Variants in PRMT3 observed in about 807,000 individuals in gnomAD.
PRMT3 encodes protein arginine N-methyltransferase 3.
In PRMT3, 62 loss-of-function variants were observed where a neutral mutation model predicts 71.9. That is an observed-to-expected ratio of 0.86 (90% CI 0.70 to 1.07). The LOEUF (loss-of-function observed/expected upper bound fraction) is 1.07. Ranked by LOEUF, PRMT3 falls within the 50% of genes least tolerant of loss-of-function variation. PRMT3 has a pLI of 0.00. For missense variants in PRMT3, 663 were observed against 643.0 expected (o/e 1.03, Z -0.34); for synonymous variants, 213 against 220.4 (o/e 0.97, Z 0.30).
At chr11:20,426,222 G>A (rs1188684305) in intron 9 of PRMT3, among the ~76,000 whole-genome samples, 1 of 152,182 alleles carries the variant, frequency 6.6e-6, no homozygotes, top group East Asian at 1.9e-4. Flanking sequence ...GCTTTCACAA[G>A]TATTTGATCC....
chr11:20,427,268 T>C (rs986472308), intron 10 of PRMT3, among the ~76,000 whole-genome samples: 1 of 152,334 alleles, frequency 6.6e-6, no homozygotes, highest in East Asian at 1.9e-4. Flanking sequence ...GAATGTCCTA[T>C]CTTTCTAATC....
chr11:20,504,879 G>A (rs779090107), intron 15 of PRMT3, among the ~76,000 whole-genome samples: 4 of 152,062 alleles, frequency 2.6e-5, no homozygotes, highest in Non-Finnish European at 5.9e-5. Context: ...GACTACAGGT[G>A]TGCACCACAT....
chr11:20,409,715 T>C, intron 9 of PRMT3, among the ~76,000 whole-genome samples: 1 of 150,340 alleles, frequency 6.7e-6, no homozygotes, highest in African/African-American at 2.5e-5. Context: ...ATTATAGAAT[T>C]ACACATACAT....
intron 10 of PRMT3, among the ~76,000 whole-genome samples, chr11:20,451,581 T>G (rs919767223): frequency 6.6e-6 from 1 of 152,106 alleles, no homozygotes; most frequent in Non-Finnish European, 1.5e-5. Flanking sequence ...TCAACCTTAG[T>G]GCTATTGACA....
At chr11:20,442,046 G>A (rs1849920001) in intron 10 of PRMT3, among the ~76,000 whole-genome samples, 1 of 152,208 alleles carries the variant, frequency 6.6e-6, no homozygotes, top group African/African-American at 2.4e-5. Context: ...GCCTGCCTCA[G>A]CCTCCCAAAG....
In PRMT3 at chr11:20,464,583, G is replaced by A. The variant is rs1565223960; in HGVS notation, c.1347+37G>A. 6 of 1,604,200 alleles carry A rather than the reference G, an allele frequency of 3.7e-6. No individual in the cohort carries two copies. The African/African-American group carries it at 5.4e-5, about 14-fold the overall frequency. ...CATTCTGCTTTTACAAATTTCACTA[G>A]CAGTGCAGTTGATTGGCAGGCTAAT... On this transcript the variant is annotated intron_variant, in intron 13 of 15. Coordinates refer to ENST00000331079, the MANE Select transcript of PRMT3 (RefSeq NM_005788.4).
chr11:20,404,445 G>A (rs749713655), intron 8 of PRMT3, among the ~76,000 whole-genome samples: 1 of 151,574 alleles, frequency 6.6e-6, no homozygotes, highest in Non-Finnish European at 1.5e-5. Flanking sequence ...TGTTGGTCAG[G>A]ATGGCCTTGA....
chr11:20,507,979 G>A (rs1197616840), intron 15 of PRMT3, among the ~76,000 whole-genome samples: 1 of 151,670 alleles, frequency 6.6e-6, no homozygotes, highest in African/African-American at 2.4e-5. Context: ...GGTGGCATGC[G>A]CCTGTAGTCC....
intron 13 of PRMT3, among the ~76,000 whole-genome samples, chr11:20,479,054 A>ATATTT (rs2133429637): frequency 6.6e-6 from 1 of 152,336 alleles, no homozygotes; most frequent in African/African-American, 2.4e-5. Context: ...CATCTGGTGT[A>ATATTT]TATTTTAATA....
chr11:20,475,048 A>C (rs1309091608), intron 13 of PRMT3, among the ~76,000 whole-genome samples: 1 of 152,230 alleles, frequency 6.6e-6, no homozygotes, highest in East Asian at 1.9e-4. Flanking sequence ...GGTAGGCTGC[A>C]AGCTGGGACA....
At chr11:20,481,111 A>G (rs1850920757) in intron 13 of PRMT3, among the ~76,000 whole-genome samples, 1 of 152,146 alleles carries the variant, frequency 6.6e-6, no homozygotes, top group Admixed American at 6.6e-5. Flanking sequence ...CATTTTAAAC[A>G]ATGATAAAAT....
intron 9 of PRMT3, among the ~76,000 whole-genome samples, chr11:20,413,726 T>C (rs1849243301): frequency 6.6e-6 from 1 of 152,160 alleles, no homozygotes; most frequent in Non-Finnish European, 1.5e-5. Flanking sequence ...ATCTCTATTC[T>C]CTTATACCAT....
chr11:20,454,562 A>G lies in PRMT3; in HGVS notation c.1072+2354A>G, dbSNP rs140476733. Among the ~76,000 whole-genome samples the G allele has an allele frequency of 5.9e-3, 903 of 152,320 alleles. 14 individuals carry two copies. The highest frequency in any genetic ancestry group is 0.021 in the African/African-American group (874 of 41,584). On this transcript the variant is annotated intron_variant, in intron 11 of 15. Transcript: ENST00000331079. ...CAGTGCTGTTGAATCTTATTTGTTA[A>G]CAGAATCAAGAGAAAGAAAGTTCAG...
At chr11:20,504,975 C>A (rs1050831042) in intron 15 of PRMT3, among the ~76,000 whole-genome samples, 1 of 152,140 alleles carries the variant, frequency 6.6e-6, no homozygotes, top group African/African-American at 2.4e-5. Context: ...TCAAGTGATC[C>A]GCCCACCTTG....
intron 9 of PRMT3, among the ~76,000 whole-genome samples, chr11:20,417,150 C>G (rs900248158): frequency 1.3e-5 from 2 of 152,126 alleles, no homozygotes; most frequent in Non-Finnish European, 2.9e-5. Context: ...TAATTTCATT[C>G]CCTTTTTTCT....
At position 20,407,904 on chromosome 11, in the gene PRMT3, A is replaced by AC; in HGVS notation, c.772-4dup. 6.2e-7 allele frequency: 1 copy of AC among 1,602,448 alleles called. No homozygotes were observed. Among genetic ancestry groups the AC allele is most frequent in the Non-Finnish European group, 8.5e-7 (1 of 1,173,912 alleles). ...GTTTTGTTTTGGTTTTTTCTTAATT[A>AC]CCCTAGGTAGTTTTGGATGTTGGGT... is the stretch of plus-strand genomic sequence containing the variant. On this transcript the variant is annotated splice_polypyrimidine_tract_variant and splice_region_variant and intron_variant, in intron 8 of 15. Coordinates refer to ENST00000331079, the MANE Select transcript of PRMT3 (RefSeq NM_005788.4).
chr11:20,448,446 G>GATTAT (rs1205385172), intron 10 of PRMT3, among the ~76,000 whole-genome samples: 1 of 152,048 alleles, frequency 6.6e-6, no homozygotes, highest in Non-Finnish European at 1.5e-5. Flanking sequence ...TAGAAATTAT[G>GATTAT]ATTATATTAT....
chr11:20,434,304 A>C (rs1849717824), intron 10 of PRMT3, among the ~76,000 whole-genome samples: 1 of 152,010 alleles, frequency 6.6e-6, no homozygotes. Context: ...GTTTGCAAAT[A>C]TTTTCTTGCA....
rs181716712 is a variant in PRMT3, at chr11:20,495,501, G to A, written c.1486+1247G>A. Among the ~76,000 whole-genome samples, 409 of 152,160 alleles carry A rather than the reference G, an allele frequency of 2.7e-3. 3 individuals are homozygous for A. The highest frequency in any genetic ancestry group is 0.017 in the Middle Eastern group (5 of 294). On this transcript the variant is annotated intron_variant, in intron 15 of 15. Coordinates refer to ENST00000331079, the MANE Select transcript of PRMT3 (RefSeq NM_005788.4). The stretch of plus-strand genomic sequence containing the variant: ...CACTCCAGCCTGGGTGACACAGCAA[G>A]ACCATGTCTCAAAAAAAGAGAAAAA...
Sources: gnomAD v4.1 joint callset for allele counts (sites outside exome capture counted in the v4.1 genomes callset) on GRCh38, gnomAD v4.1.1 for gene constraint, MANE v1.5 for transcripts, NCBI Gene and HGNC (gene_info 2026-07-23, HGNC 2026-07-21) for gene names.